The following ANKRD11 variants were observed in gnomAD, a reference collection of about 807,000 sequenced individuals.
The protein encoded by ANKRD11 is ankyrin repeat domain-containing protein 11.
A neutral mutation model predicts 195.7 loss-of-function variants in ANKRD11; 17 were observed. The observed-to-expected ratio is 0.09, with a 90% CI of 0.06 to 0.13. The LOEUF (loss-of-function observed/expected upper bound fraction) is 0.13. ANKRD11 is among the 10% of genes least tolerant of loss of function. ANKRD11 has a pLI of 1.00. For synonymous variants in ANKRD11, 1,953 were observed against 1,528.1 expected (o/e 1.28, Z -6.49); for missense variants, 3,735 against 3,566.1 (o/e 1.05, Z -1.21).
At position 89,305,318 on chromosome 16, in the gene ANKRD11, C is replaced by A; in HGVS notation, c.114G>T (p.Lys38Asn). 6.2e-7 allele frequency: 1 copy of A among 1,613,964 alleles called. No homozygotes were observed. The highest frequency in any genetic ancestry group is 8.5e-7 in the Non-Finnish European group (1 of 1,179,904). Residue 38 changes from lysine to asparagine, a missense_variant, in exon 4 of 13, where the codon AAG becomes AAT. Lys to Asn is a moderately conservative substitution (Grantham distance 94, BLOSUM62 0). Coordinates refer to ENST00000301030, the MANE Select transcript of ANKRD11 (RefSeq NM_013275.6). Reference sequence around the variant, plus strand: ...CATCGCCACGCTCCAGTTTTGGGGTCTTGGTTAGAGAAACTTTATCTTTAT... The same window carrying A: ...CATCGCCACGCTCCAGTTTTGGGGTATTGGTTAGAGAAACTTTATCTTTAT... Reference protein sequence around the residue: ...KKDKDKVSLTKTPKLERGDGG... With the variant: ...KKDKDKVSLTNTPKLERGDGG...
intron 2 of ANKRD11, among the ~76,000 whole-genome samples, chr16:89,374,528 G>A (rs1214960741): frequency 6.6e-6 from 1 of 152,128 alleles, no homozygotes; most frequent in Non-Finnish European, 1.5e-5. Flanking sequence ...CAGAGCCGAT[G>A]GCCTCTGCCG....
chr16:89,290,486 AGGGCTCCAATGGGGGGAGGCT>A, intron 6 of ANKRD11, 118 bp downstream of exon 6: 1 of 194,660 alleles, frequency 5.1e-6, no homozygotes, highest in Non-Finnish European at 9.5e-6. Flanking sequence ...GGGGAGGCTC[AGGGCTCCAATGGGGGGAGGCT>A]CAGGGCTCCA....
At chr16:89,287,107 A>T in intron 7 of ANKRD11, 2 of 1,289,768 alleles carry the variant, frequency 1.6e-6, no homozygotes, top group South Asian at 1.2e-5. Flanking sequence ...TTCCTCCATC[A>T]TGGGGGCTGC....
chr16:89,319,259 G>A (rs1272819225), intron 2 of ANKRD11, among the ~76,000 whole-genome samples: 1 of 152,174 alleles, frequency 6.6e-6, no homozygotes, highest in African/African-American at 2.4e-5. Flanking sequence ...CCGACAGTGC[G>A]GGGCTTATCA....
At position 89,286,243 on chromosome 16, in the gene ANKRD11, G is replaced by A. The variant is rs998344663; in HGVS notation, c.745-57C>T. The A allele has an allele frequency of 1.5e-4, 238 of 1,600,418 alleles. 2 individuals carry two copies. In the Admixed American group the frequency reaches 3.7e-3, roughly 25 times the overall value. On this transcript the variant is annotated intron_variant, in intron 7 of 12. Transcript: ENST00000301030. ...GCTGGAGAAGCACAACTCCTCTACCGTTCCGCATAACACGGCAGCCCCTTC... is the reference window on the plus strand; with the variant it reads ...GCTGGAGAAGCACAACTCCTCTACCATTCCGCATAACACGGCAGCCCCTTC...
At chr16:89,362,371 C>G (rs1258848480) in intron 2 of ANKRD11, among the ~76,000 whole-genome samples, 3 of 152,144 alleles carry the variant, frequency 2.0e-5, no homozygotes, top group African/African-American at 7.2e-5. Context: ...GGAAGCAGAA[C>G]CAAAACCTGA....
intron 2 of ANKRD11, among the ~76,000 whole-genome samples, chr16:89,393,198 G>C (rs756630462): frequency 1.3e-5 from 2 of 152,062 alleles, no homozygotes; most frequent in African/African-American, 2.4e-5. Context: ...TTGAGAGCAC[G>C]ACGCCAGCCT....
At chr16:89,301,955 C>T (rs1024458313) in intron 4 of ANKRD11, among the ~76,000 whole-genome samples, 1 of 152,184 alleles carries the variant, frequency 6.6e-6, no homozygotes, top group African/African-American at 2.4e-5. Context: ...ACAGCCAAGG[C>T]ATCCGGCACG....
At chr16:89,469,200 AAAGAAAT>A (rs1343255992) in intron 1 of ANKRD11, among the ~76,000 whole-genome samples, 1 of 152,096 alleles carries the variant, frequency 6.6e-6, no homozygotes, top group Non-Finnish European at 1.5e-5. Context: ...AGAGGAAAAA[AAAGAAAT>A]AAGCCTGTGA....
intron 1 of ANKRD11, among the ~76,000 whole-genome samples, chr16:89,489,899 A>C (rs1597580295): frequency 5.0e-5 from 3 of 60,180 alleles, no homozygotes; most frequent in Non-Finnish European, 6.7e-5. Context: ...CCGGCCACCC[A>C]GGCCCGCCCG....
At chr16:89,459,760 C>T (rs1369213348) in intron 1 of ANKRD11, among the ~76,000 whole-genome samples, 1 of 151,994 alleles carries the variant, frequency 6.6e-6, no homozygotes, top group Non-Finnish European at 1.5e-5. Flanking sequence ...CTGAGACCAG[C>T]CCCATGTCTA....
chr16:89,356,043 T>G (rs2152043559), intron 2 of ANKRD11, among the ~76,000 whole-genome samples: 2 of 152,288 alleles, frequency 1.3e-5, no homozygotes, highest in South Asian at 4.1e-4. Flanking sequence ...ATAGCGCCCC[T>G]GCACTCCAGC....
chr16:89,468,991 A>T (rs1439287974), intron 1 of ANKRD11, among the ~76,000 whole-genome samples: 1 of 152,204 alleles, frequency 6.6e-6, no homozygotes, highest in East Asian at 1.9e-4. Context: ...TACTTAGCAA[A>T]CTTGTAATAG....
In ANKRD11 at chr16:89,484,805, G is replaced by C. The variant is rs936668204; in HGVS notation, c.-145+5440C>G. ...TTTTCATATGGTATAAAAATGGTTT[G>C]TTGAGAAAAAGCCAACATTTTCAAA... On this transcript the variant is annotated intron_variant, in intron 1 of 12. Coordinates refer to ENST00000301030, the MANE Select transcript of ANKRD11 (RefSeq NM_013275.6). Among the ~76,000 whole-genome samples, 10 of 152,132 alleles carry C rather than the reference G, an allele frequency of 6.6e-5. 1 individual carries two copies. The South Asian group carries it at 8.3e-4, about 13-fold the overall frequency.
intron 2 of ANKRD11, among the ~76,000 whole-genome samples, chr16:89,337,456 T>TTTTTTTTTG (rs1597698668): frequency 1.4e-5 from 2 of 142,098 alleles, no homozygotes; most frequent in Non-Finnish European, 3.0e-5. Context: ...TTTTTTTTTT[T>TTTTTTTTTG]GAGACAGTCT....
intron 1 of ANKRD11, among the ~76,000 whole-genome samples, chr16:89,439,053 C>T (rs903814819): frequency 1.0e-4 from 14 of 138,334 alleles, no homozygotes; most frequent in African/African-American, 3.7e-4. Context: ...AAAACAAAAC[C>T]AAAAAAAAAA....
intron 1 of ANKRD11, among the ~76,000 whole-genome samples, chr16:89,453,130 C>A (rs892415422): frequency 6.6e-6 from 1 of 152,114 alleles, no homozygotes; most frequent in Non-Finnish European, 1.5e-5. Flanking sequence ...GTTGTTGTTG[C>A]CGTTTTCATA....
At chr16:89,441,507 C>T (rs906749475) in intron 1 of ANKRD11, among the ~76,000 whole-genome samples, 2 of 151,994 alleles carry the variant, frequency 1.3e-5, no homozygotes, top group African/African-American at 2.4e-5. Flanking sequence ...GTGGCTCACG[C>T]CTGTAATCCC....
At chr16:89,330,897 G>C (rs1425570236) in intron 2 of ANKRD11, among the ~76,000 whole-genome samples, 1 of 152,174 alleles carries the variant, frequency 6.6e-6, no homozygotes, top group Non-Finnish European at 1.5e-5. Flanking sequence ...TACAGTTCTA[G>C]TTAGTGCCAT....
Sources: gnomAD v4.1 joint callset for allele counts (sites outside exome capture counted in the v4.1 genomes callset) on GRCh38, gnomAD v4.1.1 for gene constraint, MANE v1.5 for transcripts, NCBI Gene and HGNC (gene_info 2026-07-23, HGNC 2026-07-21) for gene names.